The following SNRPN variants were observed in gnomAD, a reference collection of about 807,000 sequenced individuals.
The protein encoded by SNRPN is small nuclear ribonucleoprotein polypeptide N.
In SNRPN, 7 loss-of-function variants were observed where a neutral mutation model predicts 25.2. The ratio of observed to expected loss-of-function variants is 0.28; its 90% confidence interval spans 0.16 to 0.52. The LOEUF (loss-of-function observed/expected upper bound fraction) is 0.52, where lower values mean the gene tolerates loss of function less well. Ranked by LOEUF, SNRPN falls within the 20% of genes least tolerant of loss-of-function variation. The probability of loss-of-function intolerance (pLI) is 0.96; values close to 1 mark genes in which losing one functional copy is unlikely to be tolerated. For missense variants in SNRPN, 196 were observed against 322.5 expected (o/e 0.61, Z 3.00); for synonymous variants, 124 against 110.6 (o/e 1.12, Z -0.76).
chr15:24,861,157 T>C (rs1322512494), intron 1 of SNRPN, among the ~76,000 whole-genome samples: 2 of 152,212 alleles, frequency 1.3e-5, no homozygotes, highest in African/African-American at 4.8e-5. Context: ...AGTACAGTGA[T>C]GCATTGCTTA....
intron 1 of SNRPN, among the ~76,000 whole-genome samples, chr15:24,955,961 C>T (rs2062792109): frequency 6.6e-6 from 1 of 151,770 alleles, no homozygotes; most frequent in Non-Finnish European, 1.5e-5. Flanking sequence ...TAGCACAGTC[C>T]GCAGCCTTTA....
chr15:24,892,983 C>T (rs927755337), intron 2 of SNRPN, among the ~76,000 whole-genome samples: 4 of 149,684 alleles, frequency 2.7e-5, no homozygotes, highest in Non-Finnish European at 6.0e-5. Flanking sequence ...CTGAGGCAGG[C>T]GGATCACCTA....
intron 3 of SNRPN, among the ~76,000 whole-genome samples, chr15:24,926,186 T>A (rs538153864): frequency 6.6e-6 from 1 of 152,320 alleles, no homozygotes; most frequent in East Asian, 1.9e-4. Context: ...AAATAGCTAC[T>A]TTAGATTCTA....
At chr15:24,857,977 C>G in intron 1 of SNRPN, among the ~76,000 whole-genome samples, 1 of 151,820 alleles carries the variant, frequency 6.6e-6, no homozygotes, top group Non-Finnish European at 1.5e-5. Flanking sequence ...GTCAGTTCCC[C>G]GGTTGGGGCC....
chr15:24,897,925 C>T, intron 2 of SNRPN, among the ~76,000 whole-genome samples: 1 of 152,076 alleles, frequency 6.6e-6, no homozygotes, highest in Non-Finnish European at 1.5e-5. Flanking sequence ...TGAGAATCAA[C>T]TAATACACCC....
intron 2 of SNRPN, among the ~76,000 whole-genome samples, chr15:24,833,454 A>G (rs1409490504): frequency 1.4e-5 from 2 of 145,642 alleles, no homozygotes; most frequent in Non-Finnish European, 2.9e-5. Flanking sequence ...ATTAAACTAT[A>G]AGGGCAAAGA....
At chr15:24,845,911 C>T (rs572054253) in intron 2 of SNRPN, among the ~76,000 whole-genome samples, 1 of 151,714 alleles carries the variant, frequency 6.6e-6, no homozygotes, top group Non-Finnish European at 1.5e-5. Context: ...ATGGTGAAAC[C>T]CTGTCTCTAC....
At chr15:24,944,330 G>T (rs1428975624) in intron 3 of SNRPN, among the ~76,000 whole-genome samples, 2 of 152,176 alleles carry the variant, frequency 1.3e-5, no homozygotes, top group Non-Finnish European at 2.9e-5. Context: ...CAACTAGACA[G>T]TCTCATTATA....
At position 24,837,966 on chromosome 15, in the gene SNRPN, G is replaced by A. The variant is rs547672343; in HGVS notation, c.-579+8061G>A. Among the ~76,000 whole-genome samples the A allele has an allele frequency of 2.9e-3, 441 of 149,784 alleles. 8 individuals are homozygous for A. The South Asian group carries it at 0.035, about 12-fold the overall frequency. On this transcript the variant is annotated intron_variant, in intron 2 of 12. Transcript: ENST00000400100. ...TTGAACTCCTGACCTCAGAAGATCC[G>A]CCTGCCTCGGCCTCCCAAAGTGCTG...
At chr15:24,852,907 C>G (rs1376333827), upstream of SNRPN, among the ~76,000 whole-genome samples, 1 of 151,980 alleles carries the variant, frequency 6.6e-6, no homozygotes, top group African/African-American at 2.4e-5. Flanking sequence ...GCGCTCCAAC[C>G]TGGGCAAGAG....
intron 1 of SNRPN, among the ~76,000 whole-genome samples, chr15:24,872,871 C>CAA (rs202062268): frequency 8.3e-4 from 49 of 59,218 alleles, no homozygotes; most frequent in Non-Finnish European, 1.1e-3. Flanking sequence ...GACTCCGTCT[C>CAA]AAAAAAAAAA....
At chr15:24,846,084 C>A (rs1377043463) in intron 2 of SNRPN, among the ~76,000 whole-genome samples, 63 of 137,180 alleles carry the variant, frequency 4.6e-4, no homozygotes, top group Non-Finnish European at 3.9e-4. Context: ...GACTCCGTCT[C>A]AAAAAAAAAA....
At chr15:24,864,408 A>G (rs867467148) in intron 1 of SNRPN, among the ~76,000 whole-genome samples, 11 of 142,636 alleles carry the variant, frequency 7.7e-5, no homozygotes, top group Non-Finnish European at 1.4e-4. Context: ...CAATGGCGCA[A>G]TCTCGGCTCG....
intron 4 of SNRPN, among the ~76,000 whole-genome samples, 188 bp from the exon 5 acceptor site, chr15:24,975,170 T>C (rs1013945731): frequency 1.3e-5 from 2 of 152,170 alleles, no homozygotes; most frequent in African/African-American, 4.8e-5. Context: ...GAAAAAATAC[T>C]TCATAATCCT....
In SNRPN at chr15:24,874,107, G is replaced by A. The variant is rs551690703; in HGVS notation, c.-578-12409G>A. Among the ~76,000 whole-genome samples the A allele has an allele frequency of 8.6e-5, 13 of 151,438 alleles. No individual in the cohort carries two copies. The East Asian group carries it at 1.6e-3, about 18-fold the overall frequency. ...TGGCAGATCACGAGGTCAGGAAATC[G>A]AGATTATCCTGGCTAACACAGTGAA... On this transcript the variant is annotated intron_variant, in intron 1 of 11. Transcript: ENST00000400097.
upstream of SNRPN, among the ~76,000 whole-genome samples, chr15:24,854,844 C>G (rs140684781): frequency 3.2e-3 from 486 of 152,008 alleles, no homozygotes; most frequent in African/African-American, 0.011. Context: ...CTACTAAAAA[C>G]ACAAATTTAG....
chr15:24,900,358 G>T (rs575247775), intron 2 of SNRPN, among the ~76,000 whole-genome samples: 16 of 152,284 alleles, frequency 1.1e-4, no homozygotes, highest in African/African-American at 3.8e-4. Flanking sequence ...CTGAAACTTG[G>T]AATGGGTCAG....
chr15:24,912,116 A>T (rs1232471329), intron 2 of SNRPN, among the ~76,000 whole-genome samples: 4 of 152,128 alleles, frequency 2.6e-5, no homozygotes, highest in African/African-American at 9.7e-5. Context: ...GTTATGTGGG[A>T]CATGTTACCC....
chr15:24,856,926 T>C (rs752874), intron 1 of SNRPN, among the ~76,000 whole-genome samples: 64,378 of 151,978 alleles, frequency 0.42, 15,622 homozygotes, highest in Non-Finnish European at 0.55. Flanking sequence ...TTTCATCTTT[T>C]CCATGATCAT....
Sources: gnomAD v4.1 joint callset for allele counts (sites outside exome capture counted in the v4.1 genomes callset) on GRCh38, gnomAD v4.1.1 for gene constraint, MANE v1.5 for transcripts, NCBI Gene and HGNC (gene_info 2026-07-23, HGNC 2026-07-21) for gene names.